The following LRP1 variants were observed in gnomAD, a reference collection of about 807,000 sequenced individuals.
The protein encoded by LRP1 is LDL receptor related protein 1.
In LRP1, 51 loss-of-function variants were observed where a neutral mutation model predicts 541.5. The ratio of observed to expected loss-of-function variants is 0.09; its 90% CI spans 0.08 to 0.12. The LOEUF is 0.12. Among genes scored for constraint, LRP1 ranks in the 10% least tolerant of loss-of-function variants. LRP1 has a pLI of 1.00. For synonymous variants in LRP1, 2,219 were observed against 2,470.8 expected (o/e 0.90, Z 3.02); for missense variants, 3,878 against 6,376.2 (o/e 0.61, Z 13.34).
chr12:57,137,170 G>A (rs1442629971), intron 1 of LRP1, among the ~76,000 whole-genome samples: 2 of 152,024 alleles, frequency 1.3e-5, no homozygotes, highest in African/African-American at 2.4e-5. Flanking sequence ...GAACCCGGGA[G>A]GCAGGGGTTG....
intron 2 of LRP1, 68 bp from the exon 3 acceptor site, chr12:57,141,306 C>T: frequency 1.9e-6 from 3 of 1,593,112 alleles, no homozygotes; most frequent in South Asian, 2.2e-5. Flanking sequence ...CCCTCATCCC[C>T]AGTGAACAGC....
chr12:57,176,133 A>T, intron 24 of LRP1, 27 bp downstream of exon 24: 1 of 1,612,360 alleles, frequency 6.2e-7, no homozygotes, highest in Non-Finnish European at 8.5e-7. Context: ...GCCAGGCAGG[A>T]TGCACACAGG....
chr12:57,167,603 G>C, intron 19 of LRP1, 79 bp downstream of exon 19: 1 of 1,178,756 alleles, frequency 8.5e-7, no homozygotes. Context: ...AAGGCAAAGG[G>C]CTTCAGAATC....
chr12:57,180,884 A>T (rs2036151578), intron 33 of LRP1, 77 bp downstream of exon 33: 2 of 1,581,926 alleles, frequency 1.3e-6, no homozygotes, highest in Non-Finnish European at 1.7e-6. Flanking sequence ...CTGCAGGGCC[A>T]TGGGGCAAGG....
intron 6 of LRP1, among the ~76,000 whole-genome samples, chr12:57,148,157 T>C (rs1049380897): frequency 1.3e-4 from 15 of 117,364 alleles, no homozygotes; most frequent in East Asian, 3.6e-4. Flanking sequence ...CTGGACAAGC[T>C]TTTTTTTTTT....
Position 57,196,186 on chromosome 12 carries a change from C to T in LRP1, c.8801C>T (p.Ser2934Leu), listed in dbSNP as rs201465531. The change falls in exon 55 of 89, where the codon TCG becomes TTG. Residue 2934 changes from serine to leucine, a missense_variant. By Grantham distance (145) the Ser-to-Leu change is moderately radical (BLOSUM62 -2). Coordinates refer to ENST00000243077, the MANE Select transcript of LRP1 (RefSeq NM_002332.3). ...GGCCAGGATGACTGTGGCGACAGCT[C>T]GGACGAGCGTGGCTGCCACATCAAT... ...CNGQDDCGDS[S>L]DERGCHINEC... 3.8e-5 allele frequency: 62 copies of T among 1,612,564 alleles called. No individual in the cohort carries two copies. The East Asian group carries it at 1.0e-3, about 27-fold the overall frequency.
intron 82 of LRP1, 26 bp from the exon 83 acceptor site, chr12:57,210,692 C>A: frequency 1.3e-6 from 2 of 1,595,512 alleles, no homozygotes; most frequent in Non-Finnish European, 1.7e-6. Flanking sequence ...GGGCCACAGT[C>A]GCGCTCACAC....
At position 57,177,723 on chromosome 12, in the gene LRP1, C is replaced by A; in HGVS notation, c.4361+132C>A. The stretch of plus-strand genomic sequence containing the variant: ...CTAGGAACGGTGGCAAAGGACTGGG[C>A]ACAGGAGGAGGAGGACGGAGGGGCG... On this transcript the variant is annotated intron_variant, in intron 26 of 88. Transcript: ENST00000243077. The surrounding 1 kb of genome is among the most constrained non-coding windows in gnomAD (Gnocchi z 6.8). 9.0e-7 allele frequency: 1 copy of A among 1,116,562 alleles called. No homozygotes were observed. The highest frequency in any genetic ancestry group is 1.5e-5 in the South Asian group (1 of 65,666). 69.2% of individuals were successfully genotyped at this position (1,116,562 alleles called of 1,614,324 possible).
At chr12:57,138,646 T>A (rs942380004) in intron 2 of LRP1, 65 bp downstream of exon 2, 2 of 1,593,744 alleles carry the variant, frequency 1.3e-6, no homozygotes, top group African/African-American at 2.7e-5. Flanking sequence ...TTGGCAGATG[T>A]TTGGGAGGAG....
In LRP1 at chr12:57,154,565, G is replaced by A. The variant is rs2136674552; in HGVS notation, c.1091G>A (p.Ser364Asn). Residue 364 changes from serine (S) to asparagine (N), a missense_variant, in exon 8 of 89, where the codon AGC (serine) becomes AAC (asparagine). Around this residue, in one of 13 missense-constraint regions of LRP1, gnomAD observed 496 missense variants for 861.0 expected, o/e 0.58. Transcript: ENST00000243077. The surrounding 1 kb of genome is among the most constrained non-coding windows in gnomAD (Gnocchi z 4.6). The stretch of plus-strand genomic sequence containing the variant: ...CAGAACCGCACCAAGCTCGTCGACA[G>A]CAAGATTGTGTTTCCTCATGGCATC... ...DGQNRTKLVD[S>N]KIVFPHGITL... 2 of 1,614,154 alleles carry A rather than the reference G, an allele frequency of 1.2e-6. No homozygotes were observed. The highest frequency in any genetic ancestry group is 1.1e-5 in the South Asian group (1 of 91,074).
At position 57,154,385 on chromosome 12, in the gene LRP1, CG is replaced by C; in HGVS notation, c.1004+19del. The C allele has an allele frequency of 6.4e-7, 1 of 1,551,536 alleles. No homozygotes were observed. ...CCTGCCATGGGGTGAGAGTGGCAGG[CG>C]GGGTTCTGGCCCTGGAAGGTGGGAG... is the stretch of plus-strand genomic sequence containing the variant. On this transcript the variant is annotated intron_variant, in intron 7 of 88. Coordinates refer to ENST00000243077, the MANE Select transcript of LRP1 (RefSeq NM_002332.3). This position sits in a 1 kb window ranked among gnomAD's most constrained non-coding sequence, Gnocchi z 4.6.
At chr12:57,166,767 T>TA (rs1239325953) in intron 17 of LRP1, among the ~76,000 whole-genome samples, 163 bp from the exon 18 acceptor site, 1 of 151,924 alleles carries the variant, frequency 6.6e-6, no homozygotes, top group African/African-American at 2.4e-5. Flanking sequence ...AGAGAAAGAG[T>TA]AAAGCATCCA....
chr12:57,148,982 G>T (rs750938072), intron 6 of LRP1: 1 of 638,706 alleles, frequency 1.6e-6, no homozygotes, highest in Non-Finnish European at 2.8e-6. Flanking sequence ...TTTTTTTAGT[G>T]TGTGTGTTTT....
At chr12:57,200,665 A>G (rs199685388) in intron 63 of LRP1, 34 bp from the exon 64 acceptor site, 3 of 1,591,836 alleles carry the variant, frequency 1.9e-6, no homozygotes, top group Non-Finnish European at 2.6e-6. Context: ...TGTCCACCCC[A>G]GCCGCTCTGA....
chr12:57,161,338 C>T (rs530910738), intron 13 of LRP1, among the ~76,000 whole-genome samples: 235 of 152,254 alleles, frequency 1.5e-3, no homozygotes, highest in African/African-American at 5.5e-3. Context: ...CCTCCATTTG[C>T]GTCTCTTTGT....
intron 41 of LRP1, among the ~76,000 whole-genome samples, chr12:57,186,971 C>T (rs1236252765): frequency 6.6e-6 from 1 of 152,254 alleles, no homozygotes; most frequent in Non-Finnish European, 1.5e-5. Context: ...ACATTGCACT[C>T]AGCTCAGCAG....
rs1327915042 is a variant in LRP1, at chr12:57,184,300, C to T, written c.6060-26C>T. On this transcript the variant is annotated intron_variant, in intron 37 of 88. Coordinates refer to ENST00000243077, the MANE Select transcript of LRP1 (RefSeq NM_002332.3). The surrounding 1 kb of genome is among the most constrained non-coding windows in gnomAD (Gnocchi z 7.8). ...GTCTCCTCCAGGGTCTGAGGACTGACCCCCACTTCCACCCCCACCCTACAG... is the reference window on the plus strand; with the variant it reads ...GTCTCCTCCAGGGTCTGAGGACTGATCCCCACTTCCACCCCCACCCTACAG... 1 of 1,614,150 alleles carries T rather than the reference C, an allele frequency of 6.2e-7. No homozygotes were observed. Among genetic ancestry groups the T allele is most frequent in the Non-Finnish European group, 8.5e-7 (1 of 1,180,012 alleles).
At chr12:57,140,517 A>G (rs181243528) in intron 2 of LRP1, among the ~76,000 whole-genome samples, 1 of 152,346 alleles carries the variant, frequency 6.6e-6, no homozygotes, top group Non-Finnish European at 1.5e-5. Context: ...ATCAAAATCC[A>G]GTGTACATTT....
At position 57,158,954 on chromosome 12, in the gene LRP1, T is replaced by C. The variant is rs1445674059; in HGVS notation, c.1798+316T>C. On this transcript the variant is annotated intron_variant, in intron 11 of 88. Transcript: ENST00000243077. The surrounding 1 kb of genome is among the most constrained non-coding windows in gnomAD (Gnocchi z 5.3). ...GCCAGGGGACAACTGAGGTCTTGAA[T>C]TGGAGACAGGCCTGCCAGATCAAAA... Among the ~76,000 whole-genome samples the C allele has an allele frequency of 4.6e-5, 7 of 152,094 alleles. No individual in the cohort carries two copies. Among genetic ancestry groups the C allele is most frequent in the African/African-American group, 1.7e-4 (7 of 41,398 alleles).
Sources: gnomAD v4.1 joint callset for allele counts (sites outside exome capture counted in the v4.1 genomes callset) on GRCh38, gnomAD v4.1.1 for gene constraint, gnomAD v4.1.1 regional missense constraint, Gnocchi (gnomAD v3.1) non-coding constraint, MANE v1.5 for transcripts, NCBI Gene and HGNC (gene_info 2026-07-23, HGNC 2026-07-21) for gene names.